Variants in CAMKMT observed in about 807,000 individuals in gnomAD.
CAMKMT encodes CaM KMT.
CAMKMT carries 53 observed loss-of-function variants against 48.0 expected under a neutral mutation model. That is an observed-to-expected ratio of 1.10 (90% confidence interval 0.89 to 1.39). The LOEUF is 1.39. Ranked by LOEUF, CAMKMT falls within the 40% of genes most tolerant of loss-of-function variation. The pLI, the probability that CAMKMT is intolerant of heterozygous loss-of-function variation, is 0.00. For synonymous variants in CAMKMT, 165 were observed against 152.3 expected (o/e 1.08, Z -0.61); for missense variants, 428 against 402.7 (o/e 1.06, Z -0.54).
At chr2:44,508,525 A>T (rs1458302184) in intron 3 of CAMKMT, among the ~76,000 whole-genome samples, 2 of 152,188 alleles carry the variant, frequency 1.3e-5, no homozygotes, top group African/African-American at 2.4e-5. Flanking sequence ...GGTTGTGAAC[A>T]TCCTACAAGA....
intron 7 of CAMKMT, among the ~76,000 whole-genome samples, chr2:44,726,665 T>C (rs749886144): frequency 2.0e-5 from 3 of 152,230 alleles, no homozygotes; most frequent in Non-Finnish European, 4.4e-5. Context: ...GCAGTTGCTG[T>C]TGGAGACTTA....
intron 9 of CAMKMT, among the ~76,000 whole-genome samples, chr2:44,760,722 G>A (rs2104398773): frequency 6.6e-6 from 1 of 152,158 alleles, no homozygotes; most frequent in South Asian, 2.1e-4. Flanking sequence ...GCAGTGGTGT[G>A]GTCAGGTGTA....
chr2:44,456,757 T>G (rs1011706520), intron 3 of CAMKMT: 8 of 692,410 alleles, frequency 1.2e-5, no homozygotes, highest in South Asian at 8.5e-5. Context: ...AATGTTTTTC[T>G]TTTCCTTCTT....
intron 3 of CAMKMT, among the ~76,000 whole-genome samples, chr2:44,673,358 T>C (rs1438736050): frequency 1.4e-5 from 2 of 147,628 alleles, no homozygotes; most frequent in African/African-American, 5.0e-5. Flanking sequence ...GCTTCAGAGG[T>C]CAAGGCTGCA....
intron 3 of CAMKMT, among the ~76,000 whole-genome samples, chr2:44,590,251 A>G (rs1670178812): frequency 6.6e-6 from 1 of 152,084 alleles, no homozygotes; most frequent in African/African-American, 2.4e-5. Context: ...TGGTTTTTGT[A>G]TTGGAGTAAT....
In CAMKMT at chr2:44,604,558, G is replaced by GTTTTT. The variant is rs34125010; in HGVS notation, c.377-99713_377-99709dup. Among the ~76,000 whole-genome samples, 1,350 of 143,360 alleles carry GTTTTT rather than the reference G, an allele frequency of 9.4e-3. 15 individuals are homozygous for GTTTTT. Among genetic ancestry groups the GTTTTT allele is most frequent in the African/African-American group, 0.029 (1,106 of 38,642 alleles). 94.0% of individuals were successfully genotyped at this position (143,360 alleles called of 152,430 possible). On this transcript the variant is annotated intron_variant, in intron 3 of 10. Coordinates refer to ENST00000378494, the MANE Select transcript of CAMKMT (RefSeq NM_024766.5). ...AAGCAAACCTATGAAAGCCAATCTG[G>GTTTTT]TTTTTTTTTTTTTTTTAACATTTTT... is the stretch of plus-strand genomic sequence containing the variant.
chr2:44,406,373 T>G lies in CAMKMT; in HGVS notation c.376+16068T>G, dbSNP rs879655432. ...GTAAATGTTGAGTTTGGAGTTATAA[T>G]AAGTTTGATTTATTATAAGAGATAT... On this transcript the variant is annotated intron_variant, in intron 3 of 10. Coordinates refer to ENST00000378494, the MANE Select transcript of CAMKMT (RefSeq NM_024766.5). Among the ~76,000 whole-genome samples the G allele has an allele frequency of 6.6e-5, 10 of 152,306 alleles. No homozygotes were observed. In the South Asian group the frequency reaches 8.3e-4, roughly 13 times the overall value.
chr2:44,402,329 A>T (rs1312159623), intron 3 of CAMKMT, among the ~76,000 whole-genome samples: 1 of 21,588 alleles, frequency 4.6e-5, no homozygotes. Flanking sequence ...ACTCTGTCTA[A>T]AAAAAAAAAA....
In CAMKMT at chr2:44,632,584, C is replaced by T. The variant is rs1004257953; in HGVS notation, c.377-71699C>T. On this transcript the variant is annotated intron_variant, in intron 3 of 10. Transcript: ENST00000378494. ...ACATATCTAACAAAAATCCCTAATA[C>T]AGTACAGTGATGGTTAATACGGAGT... Among the ~76,000 whole-genome samples, 4 of 152,224 alleles carry T rather than the reference C, an allele frequency of 2.6e-5. No homozygotes were observed. In the South Asian group the frequency reaches 8.3e-4, roughly 32 times the overall value.
At chr2:44,706,251 T>C (rs375602255) in intron 4 of CAMKMT, 36 bp from the exon 5 acceptor site, 4 of 1,608,748 alleles carry the variant, frequency 2.5e-6, no homozygotes, top group Non-Finnish European at 3.4e-6. Context: ...TTCATCTAAT[T>C]TGTATGGGTT....
intron 3 of CAMKMT, among the ~76,000 whole-genome samples, chr2:44,408,154 T>C (rs534473063): frequency 6.6e-6 from 1 of 151,188 alleles, no homozygotes; most frequent in Non-Finnish European, 1.5e-5. Context: ...GCCTCCCGAG[T>C]AGCTGGGACT....
intron 3 of CAMKMT, among the ~76,000 whole-genome samples, chr2:44,673,729 A>G (rs1329444766): frequency 2.0e-5 from 3 of 152,208 alleles, no homozygotes; most frequent in Admixed American, 6.5e-5. Flanking sequence ...GGGAAGAAGA[A>G]AATATGAAGA....
At chr2:44,402,410 T>C (rs1682463847) in intron 3 of CAMKMT, among the ~76,000 whole-genome samples, 1 of 151,966 alleles carries the variant, frequency 6.6e-6, no homozygotes, top group South Asian at 2.1e-4. Context: ...GCTTCTAGAG[T>C]TGCATTTGAG....
intron 9 of CAMKMT, among the ~76,000 whole-genome samples, chr2:44,755,086 G>A (rs1680314729): frequency 6.6e-6 from 1 of 152,114 alleles, no homozygotes; most frequent in Admixed American, 6.5e-5. Flanking sequence ...ATAACCTTCA[G>A]TGGTTCCCAG....
At chr2:44,509,577 A>G (rs886524217) in intron 3 of CAMKMT, among the ~76,000 whole-genome samples, 1 of 152,048 alleles carries the variant, frequency 6.6e-6, no homozygotes, top group Non-Finnish European at 1.5e-5. Context: ...TCCTGAATAA[A>G]AGTTTTAAAA....
chr2:44,492,112 C>T (rs1220813137), intron 3 of CAMKMT, among the ~76,000 whole-genome samples: 2 of 151,894 alleles, frequency 1.3e-5, no homozygotes, highest in Non-Finnish European at 2.9e-5. Context: ...AGGGGTTGAA[C>T]ATAAATCTCA....
intron 3 of CAMKMT, among the ~76,000 whole-genome samples, chr2:44,617,852 A>G (rs1671975491): frequency 6.6e-6 from 1 of 152,250 alleles, no homozygotes; most frequent in Non-Finnish European, 1.5e-5. Context: ...TTGAATTAAT[A>G]TTACAATACC....
chr2:44,614,014 A>G (rs1207446060), intron 3 of CAMKMT, among the ~76,000 whole-genome samples: 2 of 152,266 alleles, frequency 1.3e-5, no homozygotes, highest in East Asian at 1.9e-4. Flanking sequence ...CCTATAAAAT[A>G]GATAAATACA....
At chr2:44,614,068 A>G (rs1342350450) in intron 3 of CAMKMT, among the ~76,000 whole-genome samples, 1 of 152,222 alleles carries the variant, frequency 6.6e-6, no homozygotes, top group Non-Finnish European at 1.5e-5. Context: ...GAAAACCTAT[A>G]ATGCTTTTCT....
Sources: gnomAD v4.1 joint callset for allele counts (sites outside exome capture counted in the v4.1 genomes callset) on GRCh38, gnomAD v4.1.1 for gene constraint, MANE v1.5 for transcripts, NCBI Gene and HGNC (gene_info 2026-07-23, HGNC 2026-07-21) for gene names.